The following TAF1 variants were observed in gnomAD, a reference collection of about 807,000 sequenced individuals.
TAF1 encodes transcription initiation factor TFIID subunit 1.
Under a neutral mutation model 138.5 loss-of-function variants are expected in TAF1, and 2 were observed. The observed-to-expected ratio is 0.01, with a 90% CI of 0.01 to 0.05. TAF1 has a LOEUF of 0.05. TAF1 is among the 10% of genes least tolerant of loss of function. The pLI is 1.00. For missense variants in TAF1, 709 were observed against 1,478.0 expected (o/e 0.48, Z 8.53); for synonymous variants, 437 against 503.2 (o/e 0.87, Z 1.76).
chrX:71,517,165 G>T (rs1043896429), intron 13 of TAF1, among the ~76,000 whole-genome samples: 1 of 111,351 alleles, frequency 9.0e-6, no homozygotes, highest in African/African-American at 3.3e-5. Context: ...GTGGGGAGTA[G>T]AAGGTGGTTA....
intron 14 of TAF1, among the ~76,000 whole-genome samples, chrX:71,385,715 G>GT (rs1345981223): frequency 9.0e-6 from 1 of 111,561 alleles, no homozygotes; most frequent in Non-Finnish European, 1.9e-5. Flanking sequence ...GCAAAGCTCA[G>GT]TTTTTTTCTT....
At chrX:71,472,355 T>A (rs1477482006) in intron 13 of TAF1, among the ~76,000 whole-genome samples, 1 of 112,639 alleles carries the variant, frequency 8.9e-6, no homozygotes, top group East Asian at 2.7e-4. Context: ...TTCATCCATA[T>A]AGCTTTTACT....
intron 13 of TAF1, among the ~76,000 whole-genome samples, chrX:71,508,974 ATT>A (rs112575547): frequency 2.0e-5 from 2 of 102,034 alleles, no homozygotes; most frequent in Non-Finnish European, 2.0e-5. Flanking sequence ...AGCCAATTAA[ATT>A]TTTTTTTTTT....
chrX:71,477,323 C>T (rs1359342257), intron 13 of TAF1, among the ~76,000 whole-genome samples: 4 of 109,732 alleles, frequency 3.6e-5, no homozygotes, highest in Non-Finnish European at 7.6e-5. Flanking sequence ...CAGAGTCTCA[C>T]TCTGTCACCC....
chrX:71,494,423 AAAATAAAT>A (rs759740708), intron 13 of TAF1, among the ~76,000 whole-genome samples: 395 of 110,468 alleles, frequency 3.6e-3, no homozygotes, highest in African/African-American at 0.013. Context: ...ACTCTGTCTC[AAAATAAAT>A]AAATAAATAA....
chrX:71,482,295 A>G (rs2039085540), intron 13 of TAF1, among the ~76,000 whole-genome samples: 1 of 112,647 alleles, frequency 8.9e-6, no homozygotes, highest in African/African-American at 3.2e-5. Context: ...GAATCTCACA[A>G]ATGGAAACAG....
chrX:71,424,001 A>C lies in TAF1; in HGVS notation c.4603A>C (p.Lys1535Gln). Residue 1535 changes from lysine (K) to glutamine (Q), a missense_variant, in exon 31 of 38, where the codon AAG (lysine) becomes CAG (glutamine). Coordinates refer to ENST00000423759, the MANE Select transcript of TAF1 (RefSeq NM_004606.5). Reference protein sequence around the residue: ...DSWPFHHPVNKKFVPDYYKVI... With the variant: ...DSWPFHHPVNQKFVPDYYKVI... ...TTGGCCATTTCATCACCCAGTTAAT[A>C]AGAAATTTGTTCCAGATTATTACAA... The C allele has an allele frequency of 1.7e-6, 2 of 1,208,696 alleles. No individual in the cohort carries two copies. The highest frequency in any genetic ancestry group is 2.2e-6 in the Non-Finnish European group (2 of 894,052).
chrX:71,409,862 C>T (rs1403310706), intron 28 of TAF1, among the ~76,000 whole-genome samples: 1 of 110,974 alleles, frequency 9.0e-6, no homozygotes, highest in Non-Finnish European at 1.9e-5. Flanking sequence ...TGCCTTTCTT[C>T]CCTATATTTC....
intron 28 of TAF1, among the ~76,000 whole-genome samples, chrX:71,420,667 G>A (rs2036284719): frequency 1.8e-5 from 2 of 112,904 alleles, no homozygotes. Context: ...CAATGGCGCT[G>A]TCTTCCGGGT....
At chrX:71,504,741 C>CAAAAAAAAAAAAAAAAAAAGAAAAAAAAA in intron 13 of TAF1, among the ~76,000 whole-genome samples, 1 of 5,702 alleles carries the variant, frequency 1.8e-4, no homozygotes, top group African/African-American at 5.3e-4. Flanking sequence ...GACCCTGTCT[C>CAAAAAAAAAAAAAAAAAAAGAAAAAAAAA]AAAAAAAAAA....
intron 30 of TAF1, 94 bp from the exon 31 acceptor site, chrX:71,423,879 GC>G (rs1328875328): frequency 1.3e-5 from 9 of 683,502 alleles, no homozygotes; most frequent in African/African-American, 2.2e-5. Flanking sequence ...AGAGTCCATA[GC>G]TTTTTTTAGG....
At chrX:71,471,059 T>C (rs2038874499) in intron 13 of TAF1, among the ~76,000 whole-genome samples, 1 of 108,246 alleles carries the variant, frequency 9.2e-6, no homozygotes, top group African/African-American at 3.4e-5. Flanking sequence ...GGCTCACACC[T>C]ATAATCCTAG....
intron 18 of TAF1, among the ~76,000 whole-genome samples, chrX:71,391,994 T>C (rs2034592831): frequency 9.0e-6 from 1 of 111,173 alleles, no homozygotes; most frequent in South Asian, 3.8e-4. Flanking sequence ...TTAAGAATCT[T>C]GCAGGGGTTG....
At position 71,367,481 on chromosome X, in the gene TAF1, G is replaced by A. The variant is rs1456858157; in HGVS notation, c.121-18G>A. 3.3e-6 allele frequency: 4 copies of A among 1,207,281 alleles called. No individual in the cohort carries two copies. The highest frequency in any genetic ancestry group is 3.4e-6 in the Non-Finnish European group (3 of 893,547). Reference sequence around the variant, plus strand: ...TAGGTTTAGTTGTTATCTTCGACTCGTGCTGTCCCTTTTTCAGGAATGTAA... The same window carrying A: ...TAGGTTTAGTTGTTATCTTCGACTCATGCTGTCCCTTTTTCAGGAATGTAA... On this transcript the variant is annotated intron_variant, in intron 1 of 37. Coordinates refer to ENST00000423759, the MANE Select transcript of TAF1 (RefSeq NM_004606.5).
chrX:71,488,185 G>A (rs1311245717), intron 13 of TAF1, among the ~76,000 whole-genome samples: 2 of 106,275 alleles, frequency 1.9e-5, no homozygotes, highest in Non-Finnish European at 3.9e-5. Context: ...TGATCTTTGA[G>A]TATTTTTCTC....
In TAF1 at chrX:71,436,636, T is replaced by C. The variant is rs974462510; in HGVS notation, c.4753+12398T>C. On this transcript the variant is annotated intron_variant, in intron 32 of 37. Transcript: ENST00000423759. ...TGCTGGGATTACAGGCATAAGCCAATGCACCTGGCCAAAATGCTACCTTTA... is the reference window on the plus strand; with the variant it reads ...TGCTGGGATTACAGGCATAAGCCAACGCACCTGGCCAAAATGCTACCTTTA... 4.5e-5 allele frequency among the ~76,000 whole-genome samples: 5 copies of C among 111,430 alleles called. No individual in the cohort carries two copies. The East Asian group carries it at 1.4e-3, about 31-fold the overall frequency.
At chrX:71,496,719 C>G (rs1347088563) in intron 13 of TAF1, among the ~76,000 whole-genome samples, 3 of 110,828 alleles carry the variant, frequency 2.7e-5, no homozygotes, top group Non-Finnish European at 1.9e-5. Context: ...CTTCCTCTCT[C>G]TCTTTCTTTC....
intron 32 of TAF1, among the ~76,000 whole-genome samples, chrX:71,440,697 A>G (rs2037368069): frequency 1.8e-5 from 2 of 111,540 alleles, no homozygotes; most frequent in Non-Finnish European, 3.8e-5. Flanking sequence ...CCAGCAATGT[A>G]TGTGATCCAG....
intron 13 of TAF1, chrX:71,528,263 C>A (rs950709213): frequency 9.8e-5 from 25 of 255,441 alleles, no homozygotes; most frequent in African/African-American, 7.2e-4. Context: ...GCCCCCAGCA[C>A]CATTATTATT....
Sources: gnomAD v4.1 joint callset for allele counts (sites outside exome capture counted in the v4.1 genomes callset) on GRCh38, gnomAD v4.1.1 for gene constraint, MANE v1.5 for transcripts, NCBI Gene and HGNC (gene_info 2026-07-23, HGNC 2026-07-21) for gene names.